The following DLGAP2 variants were observed in gnomAD, a reference collection of about 807,000 sequenced individuals.
DLGAP2 encodes the protein disks large-associated protein 2.
DLGAP2 carries 26 observed loss-of-function variants against 100.3 expected under a neutral mutation model. That is an observed-to-expected ratio of 0.26 (90% CI 0.19 to 0.36). The LOEUF (loss-of-function observed/expected upper bound fraction) is 0.36. DLGAP2 is among the 10% of genes least tolerant of loss of function. The pLI, the probability that DLGAP2 is intolerant of heterozygous loss-of-function variation, is 1.00. For missense variants in DLGAP2, 1,858 were observed against 1,453.2 expected (o/e 1.28, Z -4.53); for synonymous variants, 886 against 630.1 (o/e 1.41, Z -6.08).
chr8:1,702,544 G>A lies in DLGAP2; in HGVS notation c.*1138G>A, dbSNP rs1390814622. Reference sequence around the variant, plus strand: ...TGTCCTATGCAGTATTGCTAAAGTCGAGAATATATTCCTTGCCTGTGTTAG... The same window carrying A: ...TGTCCTATGCAGTATTGCTAAAGTCAAGAATATATTCCTTGCCTGTGTTAG... On this transcript the variant is annotated 3_prime_UTR_variant, in exon 15 of 15. Transcript: ENST00000637795. 6.6e-6 allele frequency: 1 copy of A among 152,398 alleles called. No individual in the cohort carries two copies. Among genetic ancestry groups the A allele is most frequent in the East Asian group, 1.9e-4 (1 of 5,180 alleles). The allele number at this position is 152,398 out of a possible 1,614,324, so 9.4% of individuals were successfully genotyped here. A position where few individuals can be genotyped will look rare whatever the true frequency, so the allele number is the denominator to read the frequency against.
chr8:952,874 C>T (rs1355336303), intron 2 of DLGAP2, among the ~76,000 whole-genome samples: 2 of 152,168 alleles, frequency 1.3e-5, no homozygotes, highest in Non-Finnish European at 2.9e-5. Flanking sequence ...GAAGAAAATG[C>T]ATTCTCACAC....
rs558544977 is a variant in DLGAP2, at chr8:1,062,702, C to A, written c.73+154736C>A. On this transcript the variant is annotated intron_variant, in intron 2 of 14. Transcript: ENST00000637795. ...TTTCTTATAAGTAAAGCACTCATCTCTTGATAGTCGTTGTGATAGCAGCTG... is the reference window on the plus strand; with the variant it reads ...TTTCTTATAAGTAAAGCACTCATCTATTGATAGTCGTTGTGATAGCAGCTG... Among the ~76,000 whole-genome samples, 123 of 152,216 alleles carry A rather than the reference C, an allele frequency of 8.1e-4. 1 individual carries two copies. The highest frequency in any genetic ancestry group is 2.9e-3 in the African/African-American group (119 of 41,526).
intron 1 of DLGAP2, among the ~76,000 whole-genome samples, chr8:811,272 T>C (rs897894862): frequency 3.3e-4 from 51 of 152,356 alleles, no homozygotes; most frequent in African/African-American, 1.1e-3. Context: ...ATTGCTCCCC[T>C]TCCTGGGAAT....
intron 1 of DLGAP2, among the ~76,000 whole-genome samples, chr8:898,765 C>T (rs972650447): frequency 1.3e-5 from 2 of 152,168 alleles, no homozygotes; most frequent in African/African-American, 2.4e-5. Context: ...TTGTGCTCAC[C>T]GTTCTTCTGG....
intron 2 of DLGAP2, among the ~76,000 whole-genome samples, chr8:1,179,820 T>A (rs1267944423): frequency 6.6e-6 from 1 of 152,206 alleles, no homozygotes; most frequent in Admixed American, 6.5e-5. Flanking sequence ...CCCTTACATT[T>A]ATACCCAGTG....
chr8:1,026,461 C>T (rs890470494), intron 2 of DLGAP2, among the ~76,000 whole-genome samples: 1 of 152,186 alleles, frequency 6.6e-6, no homozygotes, highest in Non-Finnish European at 1.5e-5. Flanking sequence ...CCCGGCTGCA[C>T]GTGCCTGCTC....
At chr8:1,605,371 C>T (rs1479449293) in intron 6 of DLGAP2, among the ~76,000 whole-genome samples, 1 of 152,088 alleles carries the variant, frequency 6.6e-6, no homozygotes, top group African/African-American at 2.4e-5. Flanking sequence ...TCTCAGAGTG[C>T]GTGCCTCTGA....
chr8:1,350,485 G>A (rs1391196211), intron 3 of DLGAP2, among the ~76,000 whole-genome samples: 1 of 93,938 alleles, frequency 1.1e-5, no homozygotes, highest in Non-Finnish European at 2.1e-5. Context: ...TGGAAAGGCC[G>A]CGCGGGTCCT....
At chr8:1,274,428 T>C (rs1481958441) in intron 3 of DLGAP2, among the ~76,000 whole-genome samples, 3 of 146,828 alleles carry the variant, frequency 2.0e-5, no homozygotes, top group Non-Finnish European at 4.6e-5. Context: ...TTTGGATTTG[T>C]TTTAGAACAT....
At chr8:1,120,255 T>C (rs1169197634) in intron 2 of DLGAP2, among the ~76,000 whole-genome samples, 3 of 150,324 alleles carry the variant, frequency 2.0e-5, no homozygotes, top group South Asian at 2.1e-4. Flanking sequence ...CACGGAGGGG[T>C]CAAGCAGCAG....
intron 2 of DLGAP2, among the ~76,000 whole-genome samples, chr8:937,962 A>C (rs1799109247): frequency 6.6e-6 from 1 of 152,090 alleles, no homozygotes; most frequent in African/African-American, 2.4e-5. Flanking sequence ...TCCAAGGTGG[A>C]GCTGAGGGTA....
chr8:1,121,125 A>G (rs143807945), intron 2 of DLGAP2, among the ~76,000 whole-genome samples: 323 of 150,524 alleles, frequency 2.1e-3, no homozygotes, highest in Non-Finnish European at 2.8e-3. Context: ...ATGACCTCCC[A>G]TCCTCGTCCA....
At chr8:1,259,697 T>C (rs55712395) in intron 3 of DLGAP2, 62,987 of 151,872 alleles carry the variant, frequency 0.41, 13,391 homozygotes, top group Admixed American at 0.51. Context: ...GATCCCAACG[T>C]GTGACTCTAA....
chr8:780,143 A>T (rs921970366), intron 1 of DLGAP2, among the ~76,000 whole-genome samples: 1 of 152,030 alleles, frequency 6.6e-6, no homozygotes. Flanking sequence ...CCCTTTCCTC[A>T]TCCCCGCCAA....
intron 2 of DLGAP2, among the ~76,000 whole-genome samples, chr8:1,195,175 G>A (rs17065790): frequency 0.28 from 42,841 of 152,216 alleles, 6,825 homozygotes; most frequent in Middle Eastern, 0.44. Context: ...CTGAAGAGAC[G>A]AGGGTGTCAG....
intron 2 of DLGAP2, among the ~76,000 whole-genome samples, chr8:1,127,504 C>T (rs1230182766): frequency 6.6e-6 from 1 of 152,100 alleles, no homozygotes; most frequent in Non-Finnish European, 1.5e-5. Context: ...TGCTGTGGCT[C>T]CCAGGCTCAT....
At chr8:1,341,902 G>A (rs1801427086) in intron 3 of DLGAP2, among the ~76,000 whole-genome samples, 7 of 152,188 alleles carry the variant, frequency 4.6e-5, no homozygotes, top group Admixed American at 3.9e-4. Context: ...TGCGGGTGAA[G>A]CAATTGAGGT....
chr8:1,265,615 G>T (rs556643191), intron 3 of DLGAP2, among the ~76,000 whole-genome samples: 1 of 152,210 alleles, frequency 6.6e-6, no homozygotes, highest in Non-Finnish European at 1.5e-5. Flanking sequence ...AGACTCCTAA[G>T]ACTGAAGCCA....
Position 1,549,228 on chromosome 8 carries a change from G to A in DLGAP2, c.775G>A (p.Ala259Thr), listed in dbSNP as rs996140560. The change falls in exon 5 of 15, where the codon GCG becomes ACG. Residue 259 changes from alanine (A) to threonine (T), a missense_variant. Coordinates refer to ENST00000637795, the MANE Select transcript of DLGAP2 (RefSeq NM_001346810.2). Reference sequence around the variant, plus strand: ...CAAAAGCAACGCCAACGGCACCAAGGCGGACGGCCGGGCGGACGACCACCA... The same window carrying A: ...CAAAAGCAACGCCAACGGCACCAAGACGGACGGCCGGGCGGACGACCACCA... ...SSKSNANGTK[A>T]DGRADDHHHA... is the part of the protein sequence containing the mutation. 1 of 1,605,010 alleles carries A rather than the reference G, an allele frequency of 6.2e-7. No individual in the cohort carries two copies. Among genetic ancestry groups the A allele is most frequent in the Non-Finnish European group, 8.5e-7 (1 of 1,176,658 alleles).
Sources: allele counts gnomAD v4.1 joint callset (sites outside exome capture counted in the v4.1 genomes callset), GRCh38; gene constraint gnomAD v4.1.1; transcripts MANE v1.5; gene names NCBI Gene and HGNC (gene_info 2026-07-23, HGNC 2026-07-21).